MEAK7: variants seen among roughly 807,000 people sequenced by gnomAD.
The protein encoded by MEAK7 is MTOR-associated protein MEAK7.
MEAK7 carries 68 observed loss-of-function variants against 40.5 expected under a neutral mutation model. That is an observed-to-expected ratio of 1.68 (90% CI 1.38 to 2.06). MEAK7 has a LOEUF of 2.06. Among genes scored for constraint, MEAK7 ranks in the 30% most tolerant of loss-of-function variants. MEAK7 has a pLI of 0.00. For missense variants in MEAK7, 918 were observed against 580.5 expected (o/e 1.58, Z -5.98); for synonymous variants, 338 against 231.9 (o/e 1.46, Z -4.16).
At chr16:84,503,839 C>G in intron 1 of MEAK7, 2 of 765,218 alleles carry the variant, frequency 2.6e-6, no homozygotes, top group Non-Finnish European at 3.2e-6. Context: ...TTAGTCACCT[C>G]CTGCTCAGAG....
At chr16:84,490,805 G>T (rs913632820) in intron 3 of MEAK7, among the ~76,000 whole-genome samples, 1 of 151,670 alleles carries the variant, frequency 6.6e-6, no homozygotes, top group South Asian at 2.1e-4. Flanking sequence ...TTGCTTCTGC[G>T]TGTCTCTCCT....
chr16:84,498,628 A>G (rs1380677857), intron 1 of MEAK7, among the ~76,000 whole-genome samples: 1 of 152,120 alleles, frequency 6.6e-6, no homozygotes, highest in Admixed American at 6.6e-5. Flanking sequence ...AAGCTGGAAA[A>G]GCCCATCGTG....
chr16:84,485,631 TATCTATCTATCC>T (rs1424846473), intron 5 of MEAK7, among the ~76,000 whole-genome samples: 35 of 93,656 alleles, frequency 3.7e-4, no homozygotes, highest in African/African-American at 9.5e-4. Flanking sequence ...TTTCAAAAAC[TATCTATCTATCC>T]ATCCATCCAT....
At position 84,480,726 on chromosome 16, in the gene MEAK7, A is replaced by T. The variant is rs1232202117; in HGVS notation, c.1078-18T>A. On this transcript the variant is annotated intron_variant, in intron 6 of 7. Coordinates refer to ENST00000343629, the MANE Select transcript of MEAK7 (RefSeq NM_020947.4). ...CCCATACCCTGCAAAGGAAGCCAGGACAGAGAATAGCATCAGCAACTCCTC... is the reference window on the plus strand; with the variant it reads ...CCCATACCCTGCAAAGGAAGCCAGGTCAGAGAATAGCATCAGCAACTCCTC... 1.9e-6 allele frequency: 3 copies of T among 1,600,608 alleles called. No individual in the cohort carries two copies. Among genetic ancestry groups the T allele is most frequent in the Admixed American group, 3.4e-5 (2 of 58,166 alleles).
At chr16:84,503,229 A>T (rs1224406682) in intron 1 of MEAK7, among the ~76,000 whole-genome samples, 1 of 152,166 alleles carries the variant, frequency 6.6e-6, no homozygotes, top group African/African-American at 2.4e-5. Context: ...TCATGTTTTA[A>T]GAAAGCTTAT....
intron 4 of MEAK7, chr16:84,488,457 T>C (rs1050852695): frequency 1.3e-5 from 2 of 152,304 alleles, no homozygotes; most frequent in East Asian, 1.9e-4. Flanking sequence ...AATTTAAATA[T>C]ATACTGCTTC....
intron 1 of MEAK7, among the ~76,000 whole-genome samples, chr16:84,501,882 C>T (rs1012118288): frequency 1.3e-5 from 2 of 152,164 alleles, no homozygotes; most frequent in Non-Finnish European, 2.9e-5. Context: ...TGGTGGCTCA[C>T]GCCTGTAATC....
chr16:84,496,932 A>G (rs772466878), intron 2 of MEAK7: 8 of 157,140 alleles, frequency 5.1e-5, no homozygotes, highest in African/African-American at 1.9e-4. Flanking sequence ...GTGTACAGCT[A>G]ATTTCGTCTC....
At chr16:84,498,186 T>C (rs530761238) in intron 1 of MEAK7, 75 bp from the exon 2 acceptor site, 241 of 1,493,024 alleles carry the variant, frequency 1.6e-4, no homozygotes, top group Admixed American at 2.3e-4. Flanking sequence ...GAGAATTATA[T>C]GGTCAAGTTA....
intron 2 of MEAK7, 61 bp from the exon 3 acceptor site, chr16:84,495,974 GAGTT>G: frequency 6.4e-7 from 1 of 1,570,316 alleles, no homozygotes; most frequent in Non-Finnish European, 8.7e-7. Flanking sequence ...TGGTTACTAG[GAGTT>G]ATTATTTTAG....
At chr16:84,487,429 C>A (rs1252974315) in intron 4 of MEAK7, 2 of 181,588 alleles carry the variant, frequency 1.1e-5, no homozygotes, top group South Asian at 2.5e-4. Flanking sequence ...CTAAACAATC[C>A]GACTTCAACA....
intron 6 of MEAK7, among the ~76,000 whole-genome samples, chr16:84,481,456 C>G (rs1912537624): frequency 6.6e-6 from 1 of 152,236 alleles, no homozygotes; most frequent in Non-Finnish European, 1.5e-5. Flanking sequence ...GGCTGGCACC[C>G]TCACTCCTGC....
intron 1 of MEAK7, chr16:84,500,135 G>C (rs530380754): frequency 1.3e-5 from 2 of 152,176 alleles, no homozygotes; most frequent in Non-Finnish European, 2.9e-5. Context: ...GTTGTAGCGC[G>C]GGTCAGCATT....
At position 84,479,669 on chromosome 16, in the gene MEAK7, G is replaced by A. The variant is rs1912338034; in HGVS notation, c.*244C>T. On this transcript the variant is annotated 3_prime_UTR_variant, in exon 8 of 8. Transcript: ENST00000343629. Reference sequence around the variant, plus strand: ...AATTTGACACAAGATTTCTTGGAGAGATCCTGAGGGTGACCCTGTAGGGAA... The same window carrying A: ...AATTTGACACAAGATTTCTTGGAGAAATCCTGAGGGTGACCCTGTAGGGAA... 3 of 372,102 alleles carry A rather than the reference G, an allele frequency of 8.1e-6. No individual in the cohort carries two copies. Among genetic ancestry groups the A allele is most frequent in the Non-Finnish European group, 1.4e-5 (3 of 209,394 alleles). The allele number at this position is 372,102 out of a possible 1,614,324, so 23.1% of individuals were successfully genotyped here.
At chr16:84,480,382 T>G (rs1399834043) in intron 7 of MEAK7, 147 bp downstream of exon 7, 3 of 1,008,760 alleles carry the variant, frequency 3.0e-6, no homozygotes, top group African/African-American at 1.6e-5. Flanking sequence ...ATGCATCTCC[T>G]GGCATCCAAG....
chr16:84,495,463 C>CT (rs1217825398), intron 3 of MEAK7: 2 of 566,412 alleles, frequency 3.5e-6, no homozygotes, highest in Non-Finnish European at 6.3e-6. Context: ...TGCTTTTCCG[C>CT]TTTAAGTCCT....
chr16:84,485,730 T>C lies in MEAK7; in HGVS notation c.958+901A>G, dbSNP rs574380433. 2.0e-5 allele frequency among the ~76,000 whole-genome samples: 3 copies of C among 152,344 alleles called. No homozygotes were observed. The South Asian group carries it at 6.2e-4, about 32-fold the overall frequency. On this transcript the variant is annotated intron_variant, in intron 5 of 7. Transcript: ENST00000343629. ...TGGAGTCTCGCTCTGTTGCTCAGGCTGGAGTGCGGTGGTATGATCTCGGCT... is the reference window on the plus strand; with the variant it reads ...TGGAGTCTCGCTCTGTTGCTCAGGCCGGAGTGCGGTGGTATGATCTCGGCT...
intron 1 of MEAK7, among the ~76,000 whole-genome samples, chr16:84,503,600 G>A (rs942931991): frequency 7.2e-5 from 11 of 152,300 alleles, no homozygotes; most frequent in African/African-American, 2.4e-4. Flanking sequence ...AGGTTGAGAA[G>A]ATTAAATAAG....
intron 3 of MEAK7, among the ~76,000 whole-genome samples, chr16:84,492,557 T>C (rs968068119): frequency 1.0e-5 from 1 of 100,314 alleles, no homozygotes; most frequent in Non-Finnish European, 2.4e-5. Context: ...TTTTGTGATA[T>C]CAAGTGTTTT....
Sources: allele counts gnomAD v4.1 joint callset (sites outside exome capture counted in the v4.1 genomes callset), GRCh38; gene constraint gnomAD v4.1.1; transcripts MANE v1.5; gene names NCBI Gene and HGNC (gene_info 2026-07-23, HGNC 2026-07-21).